The following CUL3 variants were observed in gnomAD, a reference collection of about 807,000 sequenced individuals.
CUL3 encodes cullin 3, also known as cullin-3.
Under a neutral mutation model 89.1 loss-of-function variants are expected in CUL3, and 19 were observed. The observed-to-expected ratio is 0.21, with a 90% confidence interval of 0.15 to 0.31. The LOEUF is 0.31. Among genes scored for constraint, CUL3 ranks in the 10% least tolerant of loss-of-function variants. The probability of loss-of-function intolerance (pLI) is 1.00; values close to 1 mark genes in which losing one functional copy is unlikely to be tolerated. For synonymous variants in CUL3, 351 were observed against 308.4 expected (o/e 1.14, Z -1.45); for missense variants, 469 against 942.3 (o/e 0.50, Z 6.58).
At position 224,557,847 on chromosome 2, in the gene CUL3, C is replaced by A. The variant is rs2106305184; in HGVS notation, c.76G>T (p.Asp26Tyr). ...CAAATGCTGTTTACATATTTTTCAT[C>A]CATGGTCATCTGTAATATCCAAGAG... ...MRIRAFPMTM[D>Y]EKYVNSIWDL... The change falls in exon 2 of 16, where the codon GAT becomes TAT. Residue 26 changes from aspartate to tyrosine, a missense_variant. Coordinates refer to ENST00000264414, the MANE Select transcript of CUL3 (RefSeq NM_003590.5). 1 of 1,149,296 alleles carries A rather than the reference C, an allele frequency of 8.7e-7. No individual in the cohort carries two copies. The highest frequency in any genetic ancestry group is 1.2e-6 in the Non-Finnish European group (1 of 823,808). The allele number at this position is 1,149,296 out of a possible 1,614,324, so 71.2% of individuals were successfully genotyped here.
At chr2:224,556,528 A>G (rs1182683442) in intron 2 of CUL3, 3 of 152,298 alleles carry the variant, frequency 2.0e-5, no homozygotes, top group South Asian at 2.1e-4. Context: ...AAATATGTCA[A>G]TGTGCTGAAA....
intron 3 of CUL3, among the ~76,000 whole-genome samples, chr2:224,526,766 C>G (rs1057224853): frequency 5.4e-5 from 8 of 148,470 alleles, no homozygotes; most frequent in African/African-American, 2.0e-4. Flanking sequence ...CAAGGCACAG[C>G]GATCAAGTTT....
At position 224,478,308 on chromosome 2, in the gene CUL3, T is replaced by C. The variant is rs1443174519; in HGVS notation, c.2067A>G (p.Lys689=). ...CGTCGTCTACTTTCTGCCTTGTTTC[T>C]TTCCTCTCTGGGTCGGATTCACCTT... ...AKQGESDPER[K]ETRQKVDDDR... is the part of the protein sequence containing the mutation. Residue 689 remains lysine (K), a synonymous_variant, in exon 15 of 16, where the codon AAA becomes AAG. Coordinates refer to ENST00000264414, the MANE Select transcript of CUL3 (RefSeq NM_003590.5). 6 of 1,613,598 alleles carry C rather than the reference T, an allele frequency of 3.7e-6. No individual in the cohort carries two copies.
At chr2:224,512,837 T>C (rs995874977) in intron 5 of CUL3, among the ~76,000 whole-genome samples, 3 of 152,206 alleles carry the variant, frequency 2.0e-5, no homozygotes, top group African/African-American at 7.2e-5. Context: ...AAGTTAAGGA[T>C]ATTTCTAAGT....
Position 224,511,383 on chromosome 2 carries a change from A to G in CUL3, c.854T>C (p.Val285Ala), listed in dbSNP as rs1343840421. Reference protein sequence around the residue: ...TIVEMENSGLVHMLKNGKTED... With the variant: ...TIVEMENSGLAHMLKNGKTED... Reference sequence around the variant, plus strand: ...TGTCTTTCCATTTTTCAACATATGTACTAGCCCAGAATTCTCCATTTCTAC... The same window carrying G: ...TGTCTTTCCATTTTTCAACATATGTGCTAGCCCAGAATTCTCCATTTCTAC... Residue 285 changes from valine to alanine, a missense_variant, in exon 6 of 16, where the codon GTA becomes GCA. By Grantham distance (64) the Val-to-Ala change is moderately conservative. Around this residue, in one of 4 missense-constraint regions of CUL3, gnomAD observed 370 missense variants for 733.2 expected, o/e 0.50. Transcript: ENST00000264414. 6.2e-7 allele frequency: 1 copy of G among 1,612,162 alleles called. No individual in the cohort carries two copies. Among genetic ancestry groups the G allele is most frequent in the Non-Finnish European group, 8.5e-7 (1 of 1,178,860 alleles).
In CUL3 at chr2:224,471,696, T is replaced by C. The variant is rs891532887; in HGVS notation, c.*2549A>G. 2.3e-5 allele frequency: 5 copies of C among 221,082 alleles called. No homozygotes were observed. The highest frequency in any genetic ancestry group is 3.6e-5 in the Non-Finnish European group (4 of 110,426). 13.7% of individuals were successfully genotyped at this position (221,082 alleles called of 1,614,324 possible). A position where few individuals can be genotyped will look rare whatever the true frequency, so the allele number is the denominator to read the frequency against. On this transcript the variant is annotated 3_prime_UTR_variant, in exon 16 of 16. Transcript: ENST00000264414. ...TCCTTGCAATCACAACCACTTTTTG[T>C]GAGGCTGTGCGTTCCCTAATTGCAA... is the stretch of plus-strand genomic sequence containing the variant.
intron 3 of CUL3, among the ~76,000 whole-genome samples, chr2:224,522,522 A>C (rs1395974324): frequency 6.6e-6 from 1 of 152,210 alleles, no homozygotes; most frequent in Non-Finnish European, 1.5e-5. Context: ...AACCTGGTGG[A>C]CTTAGCCACT....
At chr2:224,504,186 T>TA (rs1204277950) in intron 8 of CUL3, 1 of 165,756 alleles carries the variant, frequency 6.0e-6, no homozygotes, top group Non-Finnish European at 1.3e-5. Flanking sequence ...GGCAAAAACT[T>TA]ACACAGCCAA....
intron 3 of CUL3, among the ~76,000 whole-genome samples, chr2:224,532,062 T>C (rs539898290): frequency 6.6e-6 from 1 of 152,200 alleles, no homozygotes; most frequent in Non-Finnish European, 1.5e-5. Context: ...ATGATAGTGA[T>C]TATCAACTGA....
At chr2:224,559,736 CTCTT>C (rs1694844298) in intron 1 of CUL3, among the ~76,000 whole-genome samples, 2 of 152,144 alleles carry the variant, frequency 1.3e-5, no homozygotes, top group Admixed American at 1.3e-4. Flanking sequence ...CTCAGTTCTC[CTCTT>C]ACTTACCTAT....
intron 1 of CUL3, chr2:224,569,959 A>G (rs1389499494): frequency 1.3e-5 from 2 of 154,522 alleles, no homozygotes; most frequent in African/African-American, 6.8e-5. Flanking sequence ...CCAGTCTCAA[A>G]AAAAAAAAAA....
At chr2:224,552,851 A>G (rs1694566239) in intron 2 of CUL3, among the ~76,000 whole-genome samples, 1 of 152,228 alleles carries the variant, frequency 6.6e-6, no homozygotes, top group Non-Finnish European at 1.5e-5. Context: ...TGATGAGCAG[A>G]CCAAACAGTA....
chr2:224,503,176 C>A, intron 9 of CUL3, 104 bp from the exon 10 acceptor site: 1 of 799,294 alleles, frequency 1.3e-6, no homozygotes, highest in Admixed American at 2.2e-5. Flanking sequence ...CCCTGATAAT[C>A]TTCCTGTAAA....
chr2:224,550,853 T>C (rs1694486308), intron 2 of CUL3, among the ~76,000 whole-genome samples: 1 of 152,182 alleles, frequency 6.6e-6, no homozygotes, highest in Non-Finnish European at 1.5e-5. Flanking sequence ...AACTTATTTA[T>C]CTTGCTTAAA....
chr2:224,479,415 C>T (rs537025488), intron 14 of CUL3: 1 of 150,994 alleles, frequency 6.6e-6, no homozygotes, highest in Admixed American at 6.6e-5. Context: ...GATGCTTTTC[C>T]TCAGAAGTTG....
chr2:224,575,150 C>T (rs1695269910), intron 1 of CUL3, among the ~76,000 whole-genome samples: 1 of 152,190 alleles, frequency 6.6e-6, no homozygotes, highest in African/African-American at 2.4e-5. Flanking sequence ...CACCTAATTA[C>T]ATTCCTTTTC....
Position 224,496,812 on chromosome 2 carries a change from T to C in CUL3, c.1708-846A>G, listed in dbSNP as rs560528165. Among the ~76,000 whole-genome samples the C allele has an allele frequency of 3.3e-5, 5 of 152,222 alleles. No homozygotes were observed. The South Asian group carries it at 6.2e-4, about 19-fold the overall frequency. ...TTCTTCAATAATTAACATATGCATA[T>C]GTTTTAAAAATCTACTGATCTGCTT... On this transcript the variant is annotated intron_variant, in intron 12 of 15. Coordinates refer to ENST00000264414, the MANE Select transcript of CUL3 (RefSeq NM_003590.5).
chr2:224,583,647 CAG>C (rs1695496475), intron 1 of CUL3, among the ~76,000 whole-genome samples: 1 of 152,212 alleles, frequency 6.6e-6, no homozygotes, highest in Non-Finnish European at 1.5e-5. Context: ...TTACACAAAG[CAG>C]AGGTTTTCGC....
chr2:224,504,925 T>C (rs1214306324), intron 8 of CUL3, among the ~76,000 whole-genome samples: 1 of 150,208 alleles, frequency 6.7e-6, no homozygotes, highest in East Asian at 2.0e-4. Context: ...AGGCTTGAAA[T>C]TGAGCTACAC....
Sources: gnomAD v4.1 joint callset for allele counts (sites outside exome capture counted in the v4.1 genomes callset) on GRCh38, gnomAD v4.1.1 for gene constraint, gnomAD v4.1.1 regional missense constraint, MANE v1.5 for transcripts, NCBI Gene and HGNC (gene_info 2026-07-23, HGNC 2026-07-21) for gene names.